TENM2: variants seen among roughly 807,000 people sequenced by gnomAD.
TENM2 encodes the protein teneurin transmembrane protein 2.
In TENM2, 52 loss-of-function variants were observed where a neutral mutation model predicts 245.2. That is an observed-to-expected ratio of 0.21 (90% CI 0.17 to 0.27). The LOEUF (loss-of-function observed/expected upper bound fraction) is 0.27. TENM2 is among the 10% of genes least tolerant of loss of function. The probability of loss-of-function intolerance (pLI) is 1.00; values close to 1 mark genes in which losing one functional copy is unlikely to be tolerated. For missense variants in TENM2, 3,046 were observed against 3,666.8 expected, an observed-to-expected ratio of 0.83 and a Z score of 4.37; for synonymous variants, 1,363 against 1,438.9, an observed-to-expected ratio of 0.95 and a Z score of 1.19.
chr5:168,066,831 C>G (rs1196530465), intron 7 of TENM2, among the ~76,000 whole-genome samples: 8 of 152,156 alleles, frequency 5.3e-5, no homozygotes, highest in Admixed American at 5.2e-4. Context: ...TTGCTCAGCC[C>G]TGGTTCTAGA....
At chr5:167,753,374 A>G (rs980620603) in intron 2 of TENM2, among the ~76,000 whole-genome samples, 1 of 152,188 alleles carries the variant, frequency 6.6e-6, no homozygotes, top group African/African-American at 2.4e-5. Context: ...GGGTAAATCG[A>G]TTGAAATTGC....
chr5:167,414,993 G>A (rs979778699), intron 2 of TENM2, among the ~76,000 whole-genome samples: 1 of 152,134 alleles, frequency 6.6e-6, no homozygotes, highest in African/African-American at 2.4e-5. Context: ...CATCAGGCGG[G>A]TGGTAGCTTC....
chr5:167,505,893 A>C (rs910581175), intron 2 of TENM2, among the ~76,000 whole-genome samples: 2 of 152,196 alleles, frequency 1.3e-5, no homozygotes, highest in Non-Finnish European at 2.9e-5. Context: ...ATTGCTATTT[A>C]AGCTTGACTG....
At chr5:167,986,218 C>T (rs984524613) in intron 4 of TENM2, among the ~76,000 whole-genome samples, 1 of 152,206 alleles carries the variant, frequency 6.6e-6, no homozygotes, top group African/African-American at 2.4e-5. Context: ...GGCTGTTCAG[C>T]TTTTAGGTAT....
chr5:167,733,822 C>T lies in TENM2; in HGVS notation c.503-142164C>T, dbSNP rs112473511. On this transcript the variant is annotated intron_variant, in intron 2 of 28. Coordinates refer to ENST00000518659, the Ensembl canonical transcript of TENM2. ...GAATCCCAGTGTATCTTAATGGAAG[C>T]GGCTATCATGTATTGCGTATATATG... 7.1e-3 allele frequency among the ~76,000 whole-genome samples: 1,079 copies of T among 152,234 alleles called. 12 individuals carry two copies. The highest frequency in any genetic ancestry group is 0.024 in the African/African-American group (1,017 of 41,552).
chr5:167,328,619 C>T (rs1431722723), intron 1 of TENM2, among the ~76,000 whole-genome samples: 2 of 152,194 alleles, frequency 1.3e-5, no homozygotes, highest in African/African-American at 4.8e-5. Flanking sequence ...CTGGCCTTCT[C>T]CCAGCATTCA....
chr5:167,471,588 A>G (rs1382640080), intron 2 of TENM2, among the ~76,000 whole-genome samples: 1 of 152,210 alleles, frequency 6.6e-6, no homozygotes, highest in Non-Finnish European at 1.5e-5. Flanking sequence ...GATAATTGCA[A>G]TTTTATTATT....
chr5:167,331,106 C>T (rs979149383), intron 1 of TENM2, among the ~76,000 whole-genome samples: 20 of 151,528 alleles, frequency 1.3e-4, no homozygotes, highest in Non-Finnish European at 2.5e-4. Context: ...CATGGTGGCA[C>T]GTGCCTGTAG....
the TENM2 span, among the ~76,000 whole-genome samples, chr5:167,255,073 C>CT: frequency 0.044 from 5,485 of 125,416 alleles, 183 homozygotes; most frequent in African/African-American, 0.1. Context: ...CTTTTCTTTT[C>CT]TTTTTTTTTT....
chr5:168,257,894 G>A (rs1160649594), intron 27 of TENM2, among the ~76,000 whole-genome samples: 11 of 152,070 alleles, frequency 7.2e-5, no homozygotes, highest in Non-Finnish European at 1.5e-5. Context: ...AATTACAGGC[G>A]TGAGCCACCG....
chr5:167,375,383 T>C, exon 2 of TENM2: 1 of 1,551,588 alleles, frequency 6.4e-7, no homozygotes, highest in Non-Finnish European at 8.7e-7. Flanking sequence ...AGGGATAAAA[T>C]CCAGGCGCAG....
At chr5:168,007,132 CTTT>C (rs72126954) in intron 5 of TENM2, among the ~76,000 whole-genome samples, 1 of 146,822 alleles carries the variant, frequency 6.8e-6, no homozygotes, top group Non-Finnish European at 1.5e-5. Context: ...CTTTTTCTTT[CTTT>C]TTTTTTTTTG....
At chr5:167,710,043 G>A (rs1392162225) in intron 2 of TENM2, among the ~76,000 whole-genome samples, 1 of 152,162 alleles carries the variant, frequency 6.6e-6, no homozygotes, top group Non-Finnish European at 1.5e-5. Context: ...AGATCTACTG[G>A]TGATGGTAGT....
rs534885825 is a variant in TENM2, at chr5:167,460,228, C to T, written c.502+84755C>T. ...GCAGCAGCCCATCCAATCTCTAAAG[C>T]GCATCATCCAATGTTTGTAATACAT... On this transcript the variant is annotated intron_variant, in intron 2 of 28. Transcript: ENST00000518659. 9.8e-4 allele frequency among the ~76,000 whole-genome samples: 149 copies of T among 152,204 alleles called. 1 individual carries two copies. The highest frequency in any genetic ancestry group is 3.4e-3 in the African/African-American group (140 of 41,536).
chr5:167,775,220 G>A (rs910678319), intron 2 of TENM2, among the ~76,000 whole-genome samples: 16 of 152,072 alleles, frequency 1.1e-4, no homozygotes, highest in African/African-American at 1.9e-4. Flanking sequence ...TGCCCGCCTC[G>A]GCCTCCCAAA....
At chr5:168,215,668 CAAAAA>C (rs1562290885) in intron 21 of TENM2, among the ~76,000 whole-genome samples, 1 of 152,074 alleles carries the variant, frequency 6.6e-6, no homozygotes, top group Admixed American at 6.5e-5. Flanking sequence ...GACTCCGTCT[CAAAAA>C]AGAAAAAGAA....
At chr5:167,573,521 C>T (rs1175465084) in intron 2 of TENM2, among the ~76,000 whole-genome samples, 3 of 79,388 alleles carry the variant, frequency 3.8e-5, no homozygotes. Flanking sequence ...TCTCTCTCTC[C>T]CCCTCTCCCC....
chr5:167,552,535 C>T (rs866522437), intron 2 of TENM2, among the ~76,000 whole-genome samples: 4 of 152,098 alleles, frequency 2.6e-5, no homozygotes, highest in African/African-American at 2.4e-5. Context: ...CCCAACCCGC[C>T]GCCCACAAAA....
chr5:168,218,599 G>A lies in TENM2; in HGVS notation c.4708G>A (p.Val1570Ile). The A allele has an allele frequency of 6.2e-7, 1 of 1,613,998 alleles. No individual in the cohort carries two copies. Among genetic ancestry groups the A allele is most frequent in the Non-Finnish European group, 8.5e-7 (1 of 1,179,910 alleles). Residue 1570 changes from valine (V) to isoleucine (I), a missense_variant, in exon 23 of 29, where the codon GTC (valine) becomes ATC (isoleucine). Val to Ile is a conservative substitution (Grantham distance 29). Transcript: ENST00000518659. This position sits in a 1 kb window ranked among gnomAD's most constrained non-coding sequence, Gnocchi z 5.2. ...CCTTGGAAATATTCGGATCAGGGCGGTCAGCAAGAACAAGCCTGTTCTTAA... is the reference window on the plus strand; with the variant it reads ...CCTTGGAAATATTCGGATCAGGGCGATCAGCAAGAACAAGCCTGTTCTTAA...
Sources: gnomAD v4.1 joint callset for allele counts (sites outside exome capture counted in the v4.1 genomes callset) on GRCh38, gnomAD v4.1.1 for gene constraint, Gnocchi (gnomAD v3.1) non-coding constraint, MANE v1.5 for transcripts, NCBI Gene and HGNC (gene_info 2026-07-23, HGNC 2026-07-21) for gene names.